The following THSD7B variants were observed in gnomAD, a reference collection of about 807,000 sequenced individuals.
THSD7B encodes thrombospondin type 1 domain containing 7B.
Under a neutral mutation model 213.6 loss-of-function variants are expected in THSD7B, and 138 were observed. That is an observed-to-expected ratio of 0.65 (90% confidence interval 0.56 to 0.74). THSD7B has a LOEUF of 0.74. Ranked by LOEUF, THSD7B falls within the 30% of genes least tolerant of loss-of-function variation. THSD7B has a pLI of 0.00. For synonymous variants in THSD7B, 742 were observed against 687.0 expected (o/e 1.08, Z -1.25); for missense variants, 1,931 against 1,991.5 (o/e 0.97, Z 0.58).
chr2:136,786,159 A>G (rs1397051657), intron 1 of THSD7B, among the ~76,000 whole-genome samples: 1 of 98,708 alleles, frequency 1.0e-5, no homozygotes, highest in African/African-American at 4.9e-5. Context: ...CTGACAAGCA[A>G]CAATAAGGAA....
At chr2:137,554,578 A>G (rs1680914709) in intron 15 of THSD7B, among the ~76,000 whole-genome samples, 1 of 152,136 alleles carries the variant, frequency 6.6e-6, no homozygotes, top group Non-Finnish European at 1.5e-5. Flanking sequence ...CGGTTCCAAG[A>G]TGGCCGAATA....
chr2:137,587,619 TG>T (rs1321781996), intron 17 of THSD7B, among the ~76,000 whole-genome samples: 1 of 152,240 alleles, frequency 6.6e-6, no homozygotes. Flanking sequence ...CCTGTTTGCC[TG>T]GGTATCAGCA....
chr2:136,922,946 A>G (rs1038174961), intron 2 of THSD7B, among the ~76,000 whole-genome samples: 4 of 152,166 alleles, frequency 2.6e-5, no homozygotes, highest in African/African-American at 9.7e-5. Flanking sequence ...ATTTTTTACC[A>G]GTGTCTTTTT....
At chr2:137,440,213 A>G (rs1275543686) in intron 14 of THSD7B, among the ~76,000 whole-genome samples, 1 of 152,116 alleles carries the variant, frequency 6.6e-6, no homozygotes, top group Non-Finnish European at 1.5e-5. Context: ...TTAAATTTGC[A>G]TTTATAATTT....
At chr2:137,506,377 G>T (rs1679834998) in intron 15 of THSD7B, among the ~76,000 whole-genome samples, 1 of 152,184 alleles carries the variant, frequency 6.6e-6, no homozygotes, top group Non-Finnish European at 1.5e-5. Flanking sequence ...TTTCTGGTCA[G>T]ATTAGGCATC....
intron 2 of THSD7B, among the ~76,000 whole-genome samples, chr2:137,047,930 T>C (rs1464428149): frequency 3.9e-5 from 6 of 152,160 alleles, no homozygotes; most frequent in Non-Finnish European, 2.9e-5. Flanking sequence ...TTATTATACT[T>C]TAAGTTCTGG....
intron 2 of THSD7B, among the ~76,000 whole-genome samples, chr2:136,892,205 TGTTA>T (rs996662204): frequency 1.3e-5 from 2 of 152,126 alleles, no homozygotes; most frequent in Non-Finnish European, 2.9e-5. Flanking sequence ...TTCTGCCTTC[TGTTA>T]GTTACAATTA....
intron 12 of THSD7B, among the ~76,000 whole-genome samples, chr2:137,361,561 G>A (rs112663558): frequency 0.03 from 4,561 of 152,184 alleles, 231 homozygotes; most frequent in African/African-American, 0.1. Flanking sequence ...GCTGAAAACC[G>A]TGGCACGAGA....
intron 2 of THSD7B, among the ~76,000 whole-genome samples, chr2:136,991,360 A>C (rs1039725955): frequency 6.6e-6 from 1 of 152,176 alleles, no homozygotes; most frequent in African/African-American, 2.4e-5. Flanking sequence ...ATAGAGTAAG[A>C]AATTAAATAA....
chr2:137,373,640 T>C (rs1558774443), intron 12 of THSD7B, among the ~76,000 whole-genome samples: 1 of 152,146 alleles, frequency 6.6e-6, no homozygotes, highest in East Asian at 1.9e-4. Flanking sequence ...TTCTCCCATT[T>C]TGTAGGTTGC....
intron 2 of THSD7B, among the ~76,000 whole-genome samples, chr2:137,014,386 A>T (rs796889296): frequency 7.2e-5 from 11 of 152,286 alleles, no homozygotes; most frequent in African/African-American, 2.4e-4. Context: ...CACCTGCATG[A>T]TGGTGGTCAT....
intron 12 of THSD7B, among the ~76,000 whole-genome samples, chr2:137,356,963 C>CAG (rs779191269): frequency 0.013 from 861 of 63,996 alleles, 7 homozygotes; most frequent in African/African-American, 0.037. Flanking sequence ...CACACACACA[C>CAG]ACAGACACAC....
At position 136,962,403 on chromosome 2, in the gene THSD7B, C is replaced by CTTTTTTT. The variant is rs71400559; in HGVS notation, c.139+80105_139+80111dup. ...AACACACTATACATAAATCTGTTAT[C>CTTTTTTT]TTTTTTTTTTTTTTTTTTTTTTTTT... On this transcript the variant is annotated intron_variant, in intron 2 of 27. Coordinates refer to ENST00000409968, the MANE Select transcript of THSD7B (RefSeq NM_001316349.2). Among the ~76,000 whole-genome samples, 69 of 100,164 alleles carry CTTTTTTT rather than the reference C, an allele frequency of 6.9e-4. 4 individuals carry two copies. The highest frequency in any genetic ancestry group is 1.1e-3 in the Admixed American group (9 of 8,084). The allele number at this position is 100,164 out of a possible 152,430, so 65.7% of individuals were successfully genotyped here. A position where few individuals can be genotyped will look rare whatever the true frequency, so the allele number is the denominator to read the frequency against.
At chr2:137,576,382 T>C (rs538463975) in intron 17 of THSD7B, among the ~76,000 whole-genome samples, 1 of 152,106 alleles carries the variant, frequency 6.6e-6, no homozygotes, top group Non-Finnish European at 1.5e-5. Context: ...TATCAGGGGT[T>C]GGCCAGAACT....
At chr2:136,916,202 T>C (rs1276693438) in intron 2 of THSD7B, among the ~76,000 whole-genome samples, 2 of 152,202 alleles carry the variant, frequency 1.3e-5, no homozygotes, top group African/African-American at 2.4e-5. Flanking sequence ...AGTGCATTTA[T>C]TAGTCATGAG....
In THSD7B at chr2:136,865,803, A is replaced by G. The variant is rs934692319; in HGVS notation, c.-35-16341A>G. Among the ~76,000 whole-genome samples the G allele has an allele frequency of 3.3e-5, 5 of 152,300 alleles. No homozygotes were observed. In the East Asian group the frequency reaches 5.8e-4, roughly 18 times the overall value. Reference sequence around the variant, plus strand: ...CTTCTCATAAGTTCATTGATCCTCTATCATAATCTCTCTACTGTATGTTTT... The same window carrying G: ...CTTCTCATAAGTTCATTGATCCTCTGTCATAATCTCTCTACTGTATGTTTT... On this transcript the variant is annotated intron_variant, in intron 1 of 27. Transcript: ENST00000409968.
intron 1 of THSD7B, among the ~76,000 whole-genome samples, chr2:136,773,452 C>T: frequency 6.6e-6 from 1 of 151,780 alleles, no homozygotes; most frequent in East Asian, 1.9e-4. Context: ...TTTTAGTAGC[C>T]ACATTAAAGA....
At chr2:137,346,905 C>A (rs1330505516) in intron 12 of THSD7B, among the ~76,000 whole-genome samples, 3 of 151,646 alleles carry the variant, frequency 2.0e-5, no homozygotes, top group Non-Finnish European at 4.4e-5. Context: ...GCACAAATAT[C>A]TCTTTGAGAT....
At chr2:137,428,802 C>T (rs1268585257) in intron 14 of THSD7B, among the ~76,000 whole-genome samples, 1 of 152,074 alleles carries the variant, frequency 6.6e-6, no homozygotes, top group Admixed American at 6.6e-5. Flanking sequence ...ACTTAATTCC[C>T]AATATAATAG....
Sources: allele counts gnomAD v4.1 joint callset (sites outside exome capture counted in the v4.1 genomes callset), GRCh38; gene constraint gnomAD v4.1.1; transcripts MANE v1.5; gene names NCBI Gene and HGNC (gene_info 2026-07-23, HGNC 2026-07-21).